Variants in FMN1 observed in about 807,000 individuals in gnomAD.
FMN1 encodes the protein formin-1.
FMN1 carries 110 observed loss-of-function variants against 132.4 expected under a neutral mutation model. That is an observed-to-expected ratio of 0.83 (90% CI 0.71 to 0.97). The LOEUF is 0.97. FMN1 is among the 50% of genes least tolerant of loss of function. The pLI, the probability that FMN1 is intolerant of heterozygous loss-of-function variation, is 0.00. For synonymous variants in FMN1, 722 were observed against 651.7 expected, an observed-to-expected ratio of 1.11 and a Z score of -1.64; for missense variants, 1,792 against 1,705.3, an observed-to-expected ratio of 1.05 and a Z score of -0.90.
intron 6 of FMN1, among the ~76,000 whole-genome samples, chr15:33,054,117 G>C (rs2037108038): frequency 2.0e-5 from 3 of 152,122 alleles, no homozygotes; most frequent in Admixed American, 2.0e-4. Context: ...GCCTTACCAG[G>C]AGTCATCTCA....
rs565053507 is a variant in FMN1 at position 32,950,901 on chromosome 15, CTT to C, written c.3138+13204_3138+13205del. 5.9e-4 allele frequency among the ~76,000 whole-genome samples: 90 copies of C among 152,114 alleles called. 1 individual carries two copies. In the Middle Eastern group the frequency reaches 0.01, roughly 17 times the overall value. On this transcript the variant is annotated intron_variant, in intron 9 of 20. Coordinates refer to ENST00000616417, the MANE Select transcript of FMN1 (RefSeq NM_001277313.2). ...TTTTTGTTATTGACACGATTCCTAA[CTT>C]AATTTCATTTTGATCAGCAGATGTG...
intron 7 of FMN1, among the ~76,000 whole-genome samples, chr15:33,003,910 C>A (rs1440042279): frequency 2.0e-5 from 3 of 152,188 alleles, no homozygotes; most frequent in Non-Finnish European, 4.4e-5. Context: ...ACTATCTGAT[C>A]TTTGACAAAC....
In FMN1 at chr15:33,127,590, A is replaced by C. The variant is rs577607706; in HGVS notation, c.1867+25458T>G. 1.2e-4 allele frequency among the ~76,000 whole-genome samples: 18 copies of C among 152,328 alleles called. 1 individual carries two copies. In the South Asian group the frequency reaches 3.5e-3, roughly 30 times the overall value. The stretch of plus-strand genomic sequence containing the variant: ...CAGAAACCAGTCTGTAAGCATCCTA[A>C]AGCTAGTCAACCAAGACAGAAGTTA... On this transcript the variant is annotated intron_variant, in intron 4 of 20. Coordinates refer to ENST00000616417, the MANE Select transcript of FMN1 (RefSeq NM_001277313.2).
intron 17 of FMN1, among the ~76,000 whole-genome samples, chr15:32,835,211 G>A (rs1596042082): frequency 6.6e-6 from 1 of 152,118 alleles, no homozygotes; most frequent in African/African-American, 2.4e-5. Context: ...GCCTGACCAC[G>A]TAATCACAGA....
chr15:32,870,927 T>C (rs1320396199), intron 16 of FMN1, among the ~76,000 whole-genome samples: 1 of 152,264 alleles, frequency 6.6e-6, no homozygotes, highest in Non-Finnish European at 1.5e-5. Context: ...AAGAATAATT[T>C]AATGCTTTAG....
intron 7 of FMN1, among the ~76,000 whole-genome samples, chr15:32,972,989 C>T (rs546593677): frequency 1.3e-5 from 2 of 152,296 alleles, no homozygotes; most frequent in Admixed American, 1.3e-4. Flanking sequence ...TCTCTCTCAT[C>T]CTCAACATGC....
chr15:33,017,602 A>C (rs983105487), intron 6 of FMN1, among the ~76,000 whole-genome samples: 2 of 152,244 alleles, frequency 1.3e-5, no homozygotes, highest in African/African-American at 2.4e-5. Flanking sequence ...ACTGGGAGAA[A>C]TCCCATGAAT....
chr15:33,043,949 G>A (rs1192557998), intron 6 of FMN1, among the ~76,000 whole-genome samples: 1 of 152,160 alleles, frequency 6.6e-6, no homozygotes, highest in Non-Finnish European at 1.5e-5. Flanking sequence ...TGCACTCTCA[G>A]GGACCCAGGA....
At chr15:32,898,555 C>G (rs551459531) in intron 15 of FMN1, among the ~76,000 whole-genome samples, 31 of 152,254 alleles carry the variant, frequency 2.0e-4, no homozygotes, top group African/African-American at 7.2e-4. Flanking sequence ...CACAGAGAAC[C>G]TCACAATCTG....
chr15:33,107,514 T>C (rs2039532148), intron 4 of FMN1, among the ~76,000 whole-genome samples: 1 of 152,058 alleles, frequency 6.6e-6, no homozygotes, highest in African/African-American at 2.4e-5. Flanking sequence ...CTTACTTCAT[T>C]CCAGCCACCC....
chr15:32,959,958 GCCTT>G (rs1260769315), intron 9 of FMN1, among the ~76,000 whole-genome samples: 1 of 152,194 alleles, frequency 6.6e-6, no homozygotes, highest in African/African-American at 2.4e-5. Context: ...GTTCAGGCAA[GCCTT>G]CCTGAAAGAG....
chr15:33,092,510 T>C (rs1039898069), intron 4 of FMN1, among the ~76,000 whole-genome samples: 4 of 152,028 alleles, frequency 2.6e-5, no homozygotes, highest in African/African-American at 9.7e-5. Context: ...GCACGGTGTG[T>C]TTTCATGCCC....
chr15:32,969,991 G>A (rs769053388), intron 7 of FMN1, among the ~76,000 whole-genome samples: 2 of 152,128 alleles, frequency 1.3e-5, no homozygotes, highest in Non-Finnish European at 2.9e-5. Flanking sequence ...AAGAAGCCAC[G>A]ATAACTTACT....
intron 3 of FMN1, among the ~76,000 whole-genome samples, chr15:33,174,342 A>G (rs1256820024): frequency 6.6e-6 from 1 of 152,126 alleles, no homozygotes; most frequent in Non-Finnish European, 1.5e-5. Flanking sequence ...GTCCTTCTTA[A>G]TACCTCCCCC....
At chr15:33,009,107 T>G (rs1384070765) in intron 6 of FMN1, among the ~76,000 whole-genome samples, 1 of 152,218 alleles carries the variant, frequency 6.6e-6, no homozygotes, top group African/African-American at 2.4e-5. Context: ...CCTCTACTGT[T>G]GTGGGGAAGG....
chr15:33,012,370 G>A, intron 6 of FMN1: 1 of 892,174 alleles, frequency 1.1e-6, no homozygotes, highest in South Asian at 1.3e-5. Context: ...AAGAGTTGTG[G>A]AACCAAAGAG....
At chr15:33,125,946 G>A (rs377548303) in intron 4 of FMN1, among the ~76,000 whole-genome samples, 3 of 152,054 alleles carry the variant, frequency 2.0e-5, no homozygotes, top group East Asian at 3.9e-4. Context: ...AACAATTCAC[G>A]GTTGAAGGCT....
intron 19 of FMN1, among the ~76,000 whole-genome samples, chr15:32,786,985 G>A (rs541282366): frequency 6.6e-6 from 1 of 152,338 alleles, no homozygotes; most frequent in Non-Finnish European, 1.5e-5. Context: ...TTCTAAATAA[G>A]TGAGATCGTA....
At chr15:33,128,838 G>T (rs12439207) in intron 4 of FMN1, among the ~76,000 whole-genome samples, 45,897 of 151,956 alleles carry the variant, frequency 0.3, 8,564 homozygotes, top group South Asian at 0.4. Context: ...TCCGCAATGC[G>T]GAAGACAACC....
Sources: allele counts gnomAD v4.1 joint callset (sites outside exome capture counted in the v4.1 genomes callset), GRCh38; gene constraint gnomAD v4.1.1; transcripts MANE v1.5; gene names NCBI Gene and HGNC (gene_info 2026-07-23, HGNC 2026-07-21).